The following SLC37A1 variants were observed in gnomAD, a reference collection of about 807,000 sequenced individuals.
The protein encoded by SLC37A1 is glucose-6-phosphate exchanger SLC37A1.
In SLC37A1, 49 loss-of-function variants were observed where a neutral mutation model predicts 75.3. The observed-to-expected ratio is 0.65, with a 90% CI of 0.52 to 0.83. The LOEUF (loss-of-function observed/expected upper bound fraction) is 0.83. Among genes scored for constraint, SLC37A1 ranks in the 40% least tolerant of loss-of-function variants. The pLI is 0.00. For synonymous variants in SLC37A1, 268 were observed against 292.1 expected, an observed-to-expected ratio of 0.92 and a Z score of 0.84; for missense variants, 566 against 695.0, an observed-to-expected ratio of 0.81 and a Z score of 2.09.
chr21:42,527,957 G>C (rs2054844845), intron 3 of SLC37A1, among the ~76,000 whole-genome samples: 1 of 152,204 alleles, frequency 6.6e-6, no homozygotes, highest in South Asian at 2.1e-4. Context: ...CAACGAAACT[G>C]AAAGTAGTAG....
intron 8 of SLC37A1, among the ~76,000 whole-genome samples, chr21:42,544,605 G>A (rs548730707): frequency 6.6e-6 from 1 of 152,296 alleles, no homozygotes; most frequent in East Asian, 1.9e-4. Flanking sequence ...GCTGCACTCC[G>A]CTCCCCTTTC....
At chr21:42,550,017 A>G (rs2055517982) in intron 9 of SLC37A1, among the ~76,000 whole-genome samples, 1 of 152,254 alleles carries the variant, frequency 6.6e-6, no homozygotes, top group Admixed American at 6.5e-5. Context: ...TGTATTTTGC[A>G]AGCAAATAGC....
chr21:42,565,780 T>A, intron 14 of SLC37A1, 47 bp from the exon 15 acceptor site: 2 of 1,575,654 alleles, frequency 1.3e-6, no homozygotes, highest in Non-Finnish European at 1.7e-6. Context: ...AATCTCGCAC[T>A]GCTTGCAGCC....
chr21:42,543,718 G>C, intron 8 of SLC37A1, 116 bp downstream of exon 8: 1 of 1,037,736 alleles, frequency 9.6e-7, no homozygotes, highest in Non-Finnish European at 1.4e-6. Flanking sequence ...GTTTGCCCGT[G>C]GCTGCCTCAG....
chr21:42,560,167 T>C (rs2055793110), intron 11 of SLC37A1, among the ~76,000 whole-genome samples: 1 of 152,042 alleles, frequency 6.6e-6, no homozygotes. Flanking sequence ...TCTTGCTGCT[T>C]TCAGTTTTTA....
chr21:42,538,297 C>G (rs1480400380), intron 5 of SLC37A1, among the ~76,000 whole-genome samples: 1 of 152,172 alleles, frequency 6.6e-6, no homozygotes, highest in Non-Finnish European at 1.5e-5. Flanking sequence ...GAGGTTTTAG[C>G]TGAAATTTTC....
At chr21:42,521,944 A>G (rs2054659878) in intron 2 of SLC37A1, among the ~76,000 whole-genome samples, 2 of 152,222 alleles carry the variant, frequency 1.3e-5, no homozygotes, top group African/African-American at 4.8e-5. Flanking sequence ...TCCAAAGTCA[A>G]AGTGTCAGCA....
intron 3 of SLC37A1, 30 bp from the exon 4 acceptor site, chr21:42,534,668 C>T (rs2055085225): frequency 1.3e-6 from 2 of 1,598,820 alleles, no homozygotes; most frequent in Admixed American, 1.7e-5. Flanking sequence ...CACTTCCTCT[C>T]CCTGCTTCTG....
chr21:42,554,010 A>AT, intron 9 of SLC37A1, 52 bp from the exon 10 acceptor site: 1 of 1,482,518 alleles, frequency 6.7e-7, no homozygotes, highest in Non-Finnish European at 9.2e-7. Context: ...GCCAGGTTTA[A>AT]TTTCTAGCTG....
chr21:42,569,886 G>T (rs2056082719), intron 17 of SLC37A1, among the ~76,000 whole-genome samples: 2 of 152,270 alleles, frequency 1.3e-5, no homozygotes, highest in South Asian at 4.1e-4. Context: ...AGCCAGGCCG[G>T]ACAGGCCCCA....
chr21:42,507,478 C>T (rs1428036985), intron 2 of SLC37A1, among the ~76,000 whole-genome samples: 1 of 152,200 alleles, frequency 6.6e-6, no homozygotes, highest in Non-Finnish European at 1.5e-5. Flanking sequence ...CTTTCCCAGA[C>T]TCCATGTCTG....
chr21:42,520,647 G>C (rs567429406), intron 2 of SLC37A1, among the ~76,000 whole-genome samples: 1 of 151,996 alleles, frequency 6.6e-6, no homozygotes, highest in Non-Finnish European at 1.5e-5. Flanking sequence ...GTGTGTGTGC[G>C]TGTGTGTGGG....
At chr21:42,500,387 C>T (rs2054330769) in intron 1 of SLC37A1, among the ~76,000 whole-genome samples, 1 of 152,192 alleles carries the variant, frequency 6.6e-6, no homozygotes, top group Non-Finnish European at 1.5e-5. Flanking sequence ...GATTGGAGCC[C>T]TAGCTCCGTA....
chr21:42,532,961 C>T (rs1390635611), intron 3 of SLC37A1, among the ~76,000 whole-genome samples: 1 of 152,234 alleles, frequency 6.6e-6, no homozygotes, highest in Non-Finnish European at 1.5e-5. Context: ...CGTGGAGCAG[C>T]TGCATCACGT....
rs1350112042 is a variant in SLC37A1 at position 42,567,574 on chromosome 21, G to A, written c.1344+516G>A. Among the ~76,000 whole-genome samples the A allele has an allele frequency of 2.0e-5, 3 of 152,238 alleles. No individual in the cohort carries two copies. In the East Asian group the frequency reaches 5.8e-4, roughly 29 times the overall value. ...CAATGGTCAGCCTTCACGGGGTAGAGGCAGAGGAGAGACTTTCACTTATTT... is the reference window on the plus strand; with the variant it reads ...CAATGGTCAGCCTTCACGGGGTAGAAGCAGAGGAGAGACTTTCACTTATTT... On this transcript the variant is annotated intron_variant, in intron 16 of 19. Transcript: ENST00000352133.
At chr21:42,519,953 CCA>C (rs1216154163) in intron 2 of SLC37A1, among the ~76,000 whole-genome samples, 1 of 145,054 alleles carries the variant, frequency 6.9e-6, no homozygotes, top group South Asian at 2.1e-4. Flanking sequence ...CCCTGCCCCT[CCA>C]CAGTGTGTTT....
chr21:42,518,601 A>G, intron 2 of SLC37A1, 91 bp downstream of exon 2: 2 of 1,398,682 alleles, frequency 1.4e-6, no homozygotes, highest in Non-Finnish European at 1.0e-6. Flanking sequence ...TTTCATTATA[A>G]AACACATAAA....
At chr21:42,536,836 C>T (rs2055151810) in intron 5 of SLC37A1, among the ~76,000 whole-genome samples, 2 of 152,204 alleles carry the variant, frequency 1.3e-5, no homozygotes, top group Non-Finnish European at 2.9e-5. Context: ...AGGCGGATCC[C>T]TCATGACCCA....
At chr21:42,561,919 C>T (rs192748241) in intron 11 of SLC37A1, 159 bp from the exon 12 acceptor site, 6 of 646,368 alleles carry the variant, frequency 9.3e-6, no homozygotes, top group South Asian at 1.8e-5. Flanking sequence ...CACCACACAG[C>T]GGTGCAGCAC....
Sources: gnomAD v4.1 joint callset for allele counts (sites outside exome capture counted in the v4.1 genomes callset) on GRCh38, gnomAD v4.1.1 for gene constraint, MANE v1.5 for transcripts, NCBI Gene and HGNC (gene_info 2026-07-23, HGNC 2026-07-21) for gene names.